Variants in ERC2 observed in about 807,000 individuals in gnomAD.
ERC2 encodes ERC protein 2.
A neutral mutation model predicts 114.8 loss-of-function variants in ERC2; 42 were observed. That is an observed-to-expected ratio of 0.37 (90% CI 0.29 to 0.47). The LOEUF is 0.47. Ranked by LOEUF, ERC2 falls within the 20% of genes least tolerant of loss-of-function variation. The pLI, the probability that ERC2 is intolerant of heterozygous loss-of-function variation, is 0.99. For synonymous variants in ERC2, 454 were observed against 425.5 expected, an observed-to-expected ratio of 1.07 and a Z score of -0.82; for missense variants, 939 against 1,150.7, an observed-to-expected ratio of 0.82 and a Z score of 2.66.
At chr3:56,369,385 T>C (rs1457322515) in intron 2 of ERC2, among the ~76,000 whole-genome samples, 1 of 152,166 alleles carries the variant, frequency 6.6e-6, no homozygotes, top group Non-Finnish European at 1.5e-5. Context: ...GTCAATGGCA[T>C]CTCCATTTAC....
intron 3 of ERC2, among the ~76,000 whole-genome samples, chr3:56,222,474 T>C (rs757982274): frequency 2.6e-5 from 4 of 152,168 alleles, no homozygotes; most frequent in Non-Finnish European, 4.4e-5. Context: ...TATTCTTCTC[T>C]CAATTCTCAA....
At chr3:55,701,340 A>G (rs754078650) in intron 15 of ERC2, among the ~76,000 whole-genome samples, 7 of 152,124 alleles carry the variant, frequency 4.6e-5, no homozygotes, top group African/African-American at 7.2e-5. Flanking sequence ...CCAATTCTCA[A>G]TCTCTAGGCT....
intron 1 of ERC2, among the ~76,000 whole-genome samples, chr3:56,453,851 C>T (rs373879477): frequency 3.3e-5 from 5 of 152,276 alleles, no homozygotes; most frequent in African/African-American, 1.2e-4. Flanking sequence ...GTTGTACAAA[C>T]AATCCAAATA....
rs945497571 is a variant in ERC2, at chr3:55,698,567, G to A, written c.2847+811C>T. Among the ~76,000 whole-genome samples, 40 of 152,068 alleles carry A rather than the reference G, an allele frequency of 2.6e-4. 2 individuals carry two copies. Among genetic ancestry groups the A allele is most frequent in the Non-Finnish European group, 4.4e-5 (3 of 68,014 alleles). ...ATACTTATCCAGATGGTTCTATTTT[G>A]TTACCTATTGCTCCCATCTATGGAA... On this transcript the variant is annotated intron_variant, in intron 16 of 17. Coordinates refer to ENST00000288221, the MANE Select transcript of ERC2 (RefSeq NM_015576.3).
intron 6 of ERC2, among the ~76,000 whole-genome samples, chr3:56,137,965 G>C (rs1397711752): frequency 6.7e-6 from 1 of 150,164 alleles, no homozygotes; most frequent in African/African-American, 2.4e-5. Context: ...CCAATTTATA[G>C]TATAGATTAA....
At chr3:55,666,920 A>G (rs1359672041) in intron 17 of ERC2, among the ~76,000 whole-genome samples, 2 of 57,340 alleles carry the variant, frequency 3.5e-5, no homozygotes, top group African/African-American at 7.8e-5. Context: ...ATAATAGCAC[A>G]CGCCTATTAA....
chr3:55,837,342 T>G (rs2060936006), intron 14 of ERC2, among the ~76,000 whole-genome samples: 1 of 152,020 alleles, frequency 6.6e-6, no homozygotes, highest in Non-Finnish European at 1.5e-5. Context: ...TAGCAAAGAC[T>G]TGGAACCAAC....
intron 15 of ERC2, among the ~76,000 whole-genome samples, chr3:55,717,846 A>G (rs2064216317): frequency 6.6e-6 from 1 of 152,140 alleles, no homozygotes; most frequent in Admixed American, 6.5e-5. Context: ...CTACAAATCA[A>G]TCCACAGATC....
At chr3:56,022,017 G>A (rs1023613671) in intron 7 of ERC2, among the ~76,000 whole-genome samples, 10 of 152,144 alleles carry the variant, frequency 6.6e-5, no homozygotes, top group African/African-American at 1.9e-4. Flanking sequence ...ATTGTGAACA[G>A]TGCTGCAACG....
chr3:55,706,086 C>T (rs815433), intron 15 of ERC2, among the ~76,000 whole-genome samples: 80,883 of 151,540 alleles, frequency 0.53, 22,686 homozygotes, highest in South Asian at 0.73. Context: ...AGGGAGCTCA[C>T]GCCCCTGAAA....
chr3:56,180,000 G>A (rs2083202986), intron 3 of ERC2, among the ~76,000 whole-genome samples: 1 of 152,048 alleles, frequency 6.6e-6, no homozygotes, highest in African/African-American at 2.4e-5. Flanking sequence ...CAAGAGTGAG[G>A]GGTCAGGAAG....
chr3:55,950,349 C>A, intron 13 of ERC2, 76 bp downstream of exon 13: 4 of 1,548,688 alleles, frequency 2.6e-6, no homozygotes, highest in South Asian at 1.2e-5. Flanking sequence ...TGCATATTTT[C>A]TGGCACCAAT....
chr3:55,724,805 C>G (rs963353068), intron 15 of ERC2, among the ~76,000 whole-genome samples: 1 of 152,302 alleles, frequency 6.6e-6, no homozygotes. Context: ...GATTCCTCCC[C>G]ACAAAGCCTA....
chr3:56,197,596 A>G (rs1233592918), intron 3 of ERC2, among the ~76,000 whole-genome samples: 1 of 152,194 alleles, frequency 6.6e-6, no homozygotes, highest in Non-Finnish European at 1.5e-5. Flanking sequence ...TTTAATAGAA[A>G]CTAAAGTTTC....
chr3:56,110,893 G>A (rs2078922641), intron 6 of ERC2, among the ~76,000 whole-genome samples: 1 of 152,078 alleles, frequency 6.6e-6, no homozygotes, highest in Non-Finnish European at 1.5e-5. Flanking sequence ...GGTCACCTCT[G>A]GAGTCCAGAA....
At chr3:55,899,655 TTAAG>T (rs1445443537) in intron 13 of ERC2, among the ~76,000 whole-genome samples, 1 of 152,156 alleles carries the variant, frequency 6.6e-6, no homozygotes, top group East Asian at 1.9e-4. Context: ...TCATGAAATC[TTAAG>T]TGAGGAAAGC....
chr3:55,583,094 T>A (rs1436848681), intron 17 of ERC2, among the ~76,000 whole-genome samples: 1 of 152,218 alleles, frequency 6.6e-6, no homozygotes, highest in Non-Finnish European at 1.5e-5. Context: ...CATTATTGTA[T>A]CATCCTTACA....
At chr3:56,210,562 C>T (rs915144407) in intron 3 of ERC2, among the ~76,000 whole-genome samples, 1 of 152,110 alleles carries the variant, frequency 6.6e-6, no homozygotes, top group Non-Finnish European at 1.5e-5. Context: ...TTAGGAAATT[C>T]CACAACTGAA....
chr3:55,658,273 CG>C (rs1376728584), intron 17 of ERC2: 2 of 152,122 alleles, frequency 1.3e-5, no homozygotes, highest in Non-Finnish European at 2.9e-5. Flanking sequence ...CTGTCGCTCC[CG>C]GTACCCCAAA....
Sources: gnomAD v4.1 joint callset for allele counts (sites outside exome capture counted in the v4.1 genomes callset) on GRCh38, gnomAD v4.1.1 for gene constraint, MANE v1.5 for transcripts, NCBI Gene and HGNC (gene_info 2026-07-23, HGNC 2026-07-21) for gene names.